Variants in IGSF11 observed in about 807,000 individuals in gnomAD.
The protein encoded by IGSF11 is CXADR like 1.
Under a neutral mutation model 41.0 loss-of-function variants are expected in IGSF11, and 22 were observed. The ratio of observed to expected loss-of-function variants is 0.54; its 90% confidence interval spans 0.38 to 0.77. The LOEUF is 0.77. Ranked by LOEUF, IGSF11 falls within the 30% of genes least tolerant of loss-of-function variation. The pLI is 0.00. For synonymous variants in IGSF11, 219 were observed against 201.3 expected (o/e 1.09, Z -0.74); for missense variants, 444 against 530.8 (o/e 0.84, Z 1.61).
intron 1 of IGSF11, among the ~76,000 whole-genome samples, chr3:119,132,704 C>G (rs1299260239): frequency 6.6e-6 from 1 of 152,160 alleles, no homozygotes; most frequent in African/African-American, 2.4e-5. Flanking sequence ...GAACTCAGCT[C>G]TACACCAAGC....
At chr3:119,096,107 T>C (rs1269206461) in intron 1 of IGSF11, among the ~76,000 whole-genome samples, 1 of 152,182 alleles carries the variant, frequency 6.6e-6, no homozygotes, top group Non-Finnish European at 1.5e-5. Flanking sequence ...CAGTGTTTAG[T>C]ACTTAGTAGA....
chr3:118,989,353 T>C (rs1005555270), intron 1 of IGSF11, among the ~76,000 whole-genome samples: 23 of 87,712 alleles, frequency 2.6e-4, no homozygotes, highest in African/African-American at 6.9e-4. Flanking sequence ...AAAACCTTTA[T>C]AGCATTTTTT....
chr3:119,108,241 G>C (rs1044444359), upstream of IGSF11, among the ~76,000 whole-genome samples: 2 of 151,100 alleles, frequency 1.3e-5, no homozygotes, highest in Non-Finnish European at 3.0e-5. Context: ...TCTTCCATTT[G>C]TTTATATCCT....
At position 119,114,566 on chromosome 3, in the gene IGSF11, C is replaced by T. The variant is rs897081607; in HGVS notation, c.-13-9361G>A. The stretch of plus-strand genomic sequence containing the variant: ...CAGTTCCCAATAAGTTCCTCGTTTC[C>T]TTCTGAGACCACCTCAGCCTGGACT... On this transcript the variant is annotated intron_variant, in intron 1 of 7. Coordinates refer to the IGSF11 transcript ENST00000425327. Among the ~76,000 whole-genome samples, 13 of 152,224 alleles carry T rather than the reference C, an allele frequency of 8.5e-5. 1 individual carries two copies. The highest frequency in any genetic ancestry group is 2.0e-4 in the Admixed American group (3 of 15,284).
chr3:119,047,452 C>G (rs552047476), intron 1 of IGSF11, among the ~76,000 whole-genome samples: 3 of 152,128 alleles, frequency 2.0e-5, no homozygotes, highest in African/African-American at 7.2e-5. Context: ...GCTAACTATC[C>G]TAAATATATA....
At chr3:118,965,515 T>A (rs1261886894) in intron 1 of IGSF11, among the ~76,000 whole-genome samples, 1 of 151,030 alleles carries the variant, frequency 6.6e-6, no homozygotes, top group Non-Finnish European at 1.5e-5. Flanking sequence ...AACACAGTCA[T>A]CTTATGCCAG....
chr3:119,070,891 G>C (rs1231501801), intron 1 of IGSF11, among the ~76,000 whole-genome samples: 2 of 152,092 alleles, frequency 1.3e-5, no homozygotes, highest in African/African-American at 4.8e-5. Context: ...CTACTTTTTT[G>C]TCCAAGTGAT....
intron 1 of IGSF11, among the ~76,000 whole-genome samples, chr3:118,960,429 T>C (rs1175834416): frequency 6.6e-6 from 1 of 152,210 alleles, no homozygotes; most frequent in East Asian, 1.9e-4. Context: ...TATTAGGTGA[T>C]GAAAATGCAA....
chr3:119,077,132 G>A (rs979736520), intron 1 of IGSF11, among the ~76,000 whole-genome samples: 1 of 152,146 alleles, frequency 6.6e-6, no homozygotes, highest in Non-Finnish European at 1.5e-5. Flanking sequence ...CATGGATGAA[G>A]CTGGAAATCA....
intron 1 of IGSF11, among the ~76,000 whole-genome samples, chr3:118,937,946 T>C (rs1943397551): frequency 1.3e-5 from 2 of 152,094 alleles, no homozygotes. Context: ...AGAGCATGCC[T>C]TATACTGAAC....
chr3:119,071,754 A>G (rs2076403474), intron 1 of IGSF11, among the ~76,000 whole-genome samples: 1 of 152,210 alleles, frequency 6.6e-6, no homozygotes, highest in Non-Finnish European at 1.5e-5. Flanking sequence ...TTTTGGAATC[A>G]GTAAGTGTGA....
At chr3:119,089,010 T>C (rs1386342139) in intron 1 of IGSF11, among the ~76,000 whole-genome samples, 2 of 151,908 alleles carry the variant, frequency 1.3e-5, no homozygotes, top group African/African-American at 4.8e-5. Context: ...ATACAAAGAA[T>C]AACTGATACG....
In IGSF11 at chr3:118,951,660, G is replaced by A. The variant is rs952599681; in HGVS notation, c.53-21385C>T. Among the ~76,000 whole-genome samples the A allele has an allele frequency of 3.3e-5, 5 of 151,878 alleles. 1 individual carries two copies. The highest frequency in any genetic ancestry group is 1.9e-4 in the East Asian group (1 of 5,172). ...CATATTAGTTCAACCCATCAGTATC[G>A]ACTGGGATTGGTTCCAGGACACCCC... On this transcript the variant is annotated intron_variant, in intron 1 of 6. Coordinates refer to ENST00000393775, the MANE Select transcript of IGSF11 (RefSeq NM_001015887.3).
At chr3:119,124,761 A>T (rs1314380042) in intron 1 of IGSF11, among the ~76,000 whole-genome samples, 1 of 152,144 alleles carries the variant, frequency 6.6e-6, no homozygotes, top group African/African-American at 2.4e-5. Context: ...ACTCAAAGGG[A>T]TAATAACAGA....
chr3:119,140,189 C>A (rs1284381090), intron 1 of IGSF11, among the ~76,000 whole-genome samples: 5 of 151,852 alleles, frequency 3.3e-5, no homozygotes, highest in Non-Finnish European at 5.9e-5. Context: ...ACCCTCCCCC[C>A]AAAAAAACCA....
At chr3:119,137,078 AC>A (rs1254526415) in intron 1 of IGSF11, among the ~76,000 whole-genome samples, 1 of 152,172 alleles carries the variant, frequency 6.6e-6, no homozygotes, top group African/African-American at 2.4e-5. Context: ...TGAGGAGGAC[AC>A]CAAAAAGTGG....
At chr3:119,044,243 ATACT>A (rs1941230981) in intron 1 of IGSF11, among the ~76,000 whole-genome samples, 1 of 152,324 alleles carries the variant, frequency 6.6e-6, no homozygotes, top group East Asian at 1.9e-4. Flanking sequence ...AATGAAAGAC[ATACT>A]TAGAGAAATG....
chr3:118,930,138 G>A lies in IGSF11; in HGVS notation c.190C>T (p.Leu64Phe). 3 of 1,613,800 alleles carry A rather than the reference G, an allele frequency of 1.9e-6. No homozygotes were observed. Among genetic ancestry groups the A allele is most frequent in the South Asian group, 2.2e-5 (2 of 91,000 alleles). The stretch of plus-strand genomic sequence containing the variant: ...TGTTCAGGTTGGTTGGCATTGGAGA[G>A]AGGAGTGACCATCCAAATGACATTG... The part of the protein sequence containing the change: ...NLNVIWMVTP[L>F]SNANQPEQVI... Residue 64 changes from leucine to phenylalanine, a missense_variant, in exon 2 of 7, where the codon CTC becomes TTC. By Grantham distance (22) the Leu-to-Phe change is conservative (BLOSUM62 0). Transcript: ENST00000393775.
In IGSF11 at chr3:119,076,073, A is replaced by G. The variant is rs573061886; in HGVS notation, c.49+29071T>C. Among the ~76,000 whole-genome samples, 568 of 152,344 alleles carry G rather than the reference A, an allele frequency of 3.7e-3. 3 individuals are homozygous for G. Among genetic ancestry groups the G allele is most frequent in the Middle Eastern group, 0.014 (4 of 294 alleles). On this transcript the variant is annotated intron_variant, in intron 1 of 6. Coordinates refer to the IGSF11 transcript ENST00000354673. ...GGTACCAAAACAGAGATATAGATCA[A>G]TGGAACAGAACAGAGCCCTCAGAAA...
Sources: allele counts gnomAD v4.1 joint callset (sites outside exome capture counted in the v4.1 genomes callset), GRCh38; gene constraint gnomAD v4.1.1; transcripts MANE v1.5; gene names NCBI Gene and HGNC (gene_info 2026-07-23, HGNC 2026-07-21).